The following EPS8 variants were observed in gnomAD, a reference collection of about 807,000 sequenced individuals.
EPS8 encodes the protein epidermal growth factor receptor kinase substrate 8.
In EPS8, 42 loss-of-function variants were observed where a neutral mutation model predicts 103.8. That is an observed-to-expected ratio of 0.40 (90% CI 0.32 to 0.52). The LOEUF is 0.52. Ranked by LOEUF, EPS8 falls within the 20% of genes least tolerant of loss-of-function variation. The probability of loss-of-function intolerance (pLI) is 0.40; values close to 1 mark genes in which losing one functional copy is unlikely to be tolerated. For synonymous variants in EPS8, 344 were observed against 344.6 expected (o/e 1.00, Z 0.02); for missense variants, 969 against 1,005.1 (o/e 0.96, Z 0.49).
In EPS8 at chr12:15,769,335, AAG is replaced by A. The variant is rs1284911805; in HGVS notation, c.-22+19824_-22+19825del. Among the ~76,000 whole-genome samples the A allele has an allele frequency of 6.6e-6, 1 of 152,192 alleles. No individual in the cohort carries two copies. The highest frequency in any genetic ancestry group is 2.4e-5 in the African/African-American group (1 of 41,456). On this transcript the variant is annotated intron_variant, in intron 1 of 20. Coordinates refer to ENST00000281172, the MANE Select transcript of EPS8 (RefSeq NM_004447.6). This position sits in a 1 kb window ranked among gnomAD's most constrained non-coding sequence, Gnocchi z 4.6. ...TAACTCTACTTTTGCCAATTTTATC[AAG>A]ACTCTCAAAATAAATGCCACACTTG...
chr12:15,637,091 G>T (rs1945148084), intron 17 of EPS8, among the ~76,000 whole-genome samples: 1 of 152,224 alleles, frequency 6.6e-6, no homozygotes, highest in African/African-American at 2.4e-5. Context: ...CACAATCTCG[G>T]CTCACCGCAT....
Position 15,719,693 on chromosome 12 carries a change from T to C in EPS8, c.-21-36721A>G, listed in dbSNP as rs142050793. Among the ~76,000 whole-genome samples, 168 of 152,346 alleles carry C rather than the reference T, an allele frequency of 1.1e-3. 4 individuals are homozygous for C. In the East Asian group the frequency reaches 0.029, roughly 27 times the overall value. On this transcript the variant is annotated intron_variant, in intron 1 of 20. Transcript: ENST00000281172. Reference sequence around the variant, plus strand: ...GCTGGGGCCTTTGGCTGAAAATTGTTAGTGCAGTGAATGTTTACCCTGGGT... The same window carrying C: ...GCTGGGGCCTTTGGCTGAAAATTGTCAGTGCAGTGAATGTTTACCCTGGGT...
chr12:15,648,069 G>A (rs967535881), intron 14 of EPS8, among the ~76,000 whole-genome samples: 3 of 152,198 alleles, frequency 2.0e-5, no homozygotes, highest in African/African-American at 7.2e-5. Flanking sequence ...CATCTGACAG[G>A]AGATGGAGCT....
At chr12:15,625,188 C>T (rs1160412521) in intron 18 of EPS8, among the ~76,000 whole-genome samples, 1 of 152,170 alleles carries the variant, frequency 6.6e-6, no homozygotes, top group African/African-American at 2.4e-5. Flanking sequence ...GCACTTTCCC[C>T]ATATGTTCTG....
rs73054950 is a variant in EPS8 at position 15,715,163 on chromosome 12, C to T, written c.-21-32191G>A. ...GTATCACACTCCCTTCCCAGGGAAGCCCACATCCAAAGATTGGTTGACATG... is the reference window on the plus strand; with the variant it reads ...GTATCACACTCCCTTCCCAGGGAAGTCCACATCCAAAGATTGGTTGACATG... On this transcript the variant is annotated intron_variant, in intron 1 of 20. Transcript: ENST00000281172. Among the ~76,000 whole-genome samples the T allele has an allele frequency of 5.1e-3, 784 of 152,244 alleles. 7 individuals are homozygous for T. Among genetic ancestry groups the T allele is most frequent in the Non-Finnish European group, 9.1e-3 (617 of 68,002 alleles).
intron 1 of EPS8, among the ~76,000 whole-genome samples, chr12:15,724,410 A>G (rs1474451726): frequency 1.3e-5 from 2 of 152,158 alleles, no homozygotes; most frequent in Non-Finnish European, 2.9e-5. Flanking sequence ...TATGAGTCTT[A>G]TGTATGAATA....
At position 15,662,569 on chromosome 12, in the gene EPS8, A is replaced by G. The variant is rs1235785628; in HGVS notation, c.737-470T>C. 3 of 985,920 alleles carry G rather than the reference A, an allele frequency of 3.0e-6. No homozygotes were observed. In the African/African-American group the frequency reaches 5.2e-5, roughly 17 times the overall value. 61.1% of individuals were successfully genotyped at this position (985,920 alleles called of 1,614,324 possible). On this transcript the variant is annotated intron_variant, in intron 8 of 20. Coordinates refer to ENST00000281172, the MANE Select transcript of EPS8 (RefSeq NM_004447.6). ...GTTCTGACAGCAGAGTGCTTCTTAA[A>G]ATTCTAGTGTAATTAAGCTTAAAAC...
chr12:15,660,148 T>C (rs1352821657), intron 10 of EPS8, among the ~76,000 whole-genome samples: 2 of 152,140 alleles, frequency 1.3e-5, no homozygotes, highest in African/African-American at 4.8e-5. Flanking sequence ...GACTCTTCCC[T>C]GAGTTCATCT....
chr12:15,646,014 G>A (rs1945314130), intron 15 of EPS8, among the ~76,000 whole-genome samples: 1 of 152,044 alleles, frequency 6.6e-6, no homozygotes. Flanking sequence ...AAAATATTAA[G>A]ATGAATACTT....
rs1946996200 is a variant in EPS8, at chr12:15,757,320, T to C, written c.-22+31841A>G. ...AGATTGCATATTAATAACAAAGAGG[T>C]AAAGGTATTTATTTAAGATGAAGAG... On this transcript the variant is annotated intron_variant, in intron 1 of 20. Transcript: ENST00000281172. The surrounding 1 kb of genome is among the most constrained non-coding windows in gnomAD (Gnocchi z 4.1). 6.6e-6 allele frequency among the ~76,000 whole-genome samples: 1 copy of C among 151,928 alleles called. No individual in the cohort carries two copies. Among genetic ancestry groups the C allele is most frequent in the Admixed American group, 6.6e-5 (1 of 15,248 alleles).
At chr12:15,633,661 TGATTA>T (rs1214596486) in intron 17 of EPS8, among the ~76,000 whole-genome samples, 1 of 152,230 alleles carries the variant, frequency 6.6e-6, no homozygotes, top group Admixed American at 6.5e-5. Context: ...AATACATATT[TGATTA>T]AAGAAACCCA....
At position 15,701,056 on chromosome 12, in the gene EPS8, G is replaced by A. The variant is rs1285089603; in HGVS notation, c.-21-18084C>T. Among the ~76,000 whole-genome samples the A allele has an allele frequency of 6.6e-6, 1 of 152,080 alleles. No homozygotes were observed. Among genetic ancestry groups the A allele is most frequent in the African/African-American group, 2.4e-5 (1 of 41,416 alleles). On this transcript the variant is annotated intron_variant, in intron 1 of 20. Coordinates refer to ENST00000281172, the MANE Select transcript of EPS8 (RefSeq NM_004447.6). This position sits in a 1 kb window ranked among gnomAD's most constrained non-coding sequence, Gnocchi z 5.1. ...CATCTTTATACCATAGTCTCTTAAT[G>A]ATAAACAACCTTATGACTTCAATCT...
chr12:15,659,005 A>G (rs1945556569), intron 10 of EPS8, among the ~76,000 whole-genome samples: 1 of 152,192 alleles, frequency 6.6e-6, no homozygotes, highest in South Asian at 2.1e-4. Context: ...TTAGATGGAG[A>G]AAGTAGCTTA....
rs1393509851 is a variant in EPS8 at position 15,721,996 on chromosome 12, C to A, written c.-21-39024G>T. On this transcript the variant is annotated intron_variant, in intron 1 of 20. Transcript: ENST00000281172. This position sits in a 1 kb window ranked among gnomAD's most constrained non-coding sequence, Gnocchi z 4.4. ...TACTTTTTTTTTTCAAAGGGGGCTA[C>A]TGTCTGTCTGGTTTTATAATCTTTT... Among the ~76,000 whole-genome samples, 1 of 149,950 alleles carries A rather than the reference C, an allele frequency of 6.7e-6. No individual in the cohort carries two copies. The highest frequency in any genetic ancestry group is 6.6e-5 in the Admixed American group (1 of 15,056).
Position 15,744,457 on chromosome 12 carries a change from C to A in EPS8, c.-22+44704G>T, listed in dbSNP as rs112064897. Among the ~76,000 whole-genome samples the A allele has an allele frequency of 3.5e-3, 535 of 152,306 alleles. 2 individuals carry two copies. The highest frequency in any genetic ancestry group is 6.0e-3 in the Non-Finnish European group (410 of 68,020). On this transcript the variant is annotated intron_variant, in intron 1 of 20. Transcript: ENST00000281172. ...AAACTGATCAGTAAGAATAACAATA[C>A]CTAATATTTGAGCACTTCCAGCTAA...
rs780020452 is a variant in EPS8 at position 15,631,449 on chromosome 12, C to T, written c.2037G>A (p.Pro679=). ...VRDSQRHKQL[P]VDRRKSQMEE... ...CCTCCCTGGGAAACTTACGGTCCAC[C>T]GGAAGTTGTTTGTGTCTCTGGCTGT... is the stretch of plus-strand genomic sequence containing the variant. Residue 679 remains proline (P), a synonymous_variant, in exon 18 of 21, where the codon CCG becomes CCA. Transcript: ENST00000281172. 161 of 1,613,792 alleles carry T rather than the reference C, an allele frequency of 1.0e-4. 1 individual carries two copies. The Admixed American group carries it at 2.2e-3, about 22-fold the overall frequency.
Position 15,751,187 on chromosome 12 carries a change from G to C in EPS8, c.-22+37974C>G, listed in dbSNP as rs1309037322. On this transcript the variant is annotated intron_variant, in intron 1 of 20. Coordinates refer to ENST00000281172, the MANE Select transcript of EPS8 (RefSeq NM_004447.6). This position sits in a 1 kb window ranked among gnomAD's most constrained non-coding sequence, Gnocchi z 4.3. ...AGCCAGGCCAACATAGTGAAACTCT[G>C]TCTCTACTAAAAATATAAAAATTAG... is the stretch of plus-strand genomic sequence containing the variant. Among the ~76,000 whole-genome samples the C allele has an allele frequency of 6.6e-6, 1 of 152,006 alleles. No homozygotes were observed. Among genetic ancestry groups the C allele is most frequent in the Non-Finnish European group, 1.5e-5 (1 of 68,004 alleles).
chr12:15,668,105 T>C (rs1280787113), intron 6 of EPS8, among the ~76,000 whole-genome samples: 5 of 152,172 alleles, frequency 3.3e-5, no homozygotes, highest in Non-Finnish European at 1.5e-5. Flanking sequence ...CCTTTAATAT[T>C]TATTGACTGA....
chr12:15,768,790 A>C (rs149105183), intron 1 of EPS8, among the ~76,000 whole-genome samples: 1 of 152,184 alleles, frequency 6.6e-6, no homozygotes, highest in Non-Finnish European at 1.5e-5. Context: ...CTTAAGATTA[A>C]TATCAAGGAA....
Sources: gnomAD v4.1 joint callset for allele counts (sites outside exome capture counted in the v4.1 genomes callset) on GRCh38, gnomAD v4.1.1 for gene constraint, Gnocchi (gnomAD v3.1) non-coding constraint, MANE v1.5 for transcripts, NCBI Gene and HGNC (gene_info 2026-07-23, HGNC 2026-07-21) for gene names.